Variants in CACNA1C observed in about 807,000 individuals in gnomAD.
CACNA1C encodes voltage-dependent L-type calcium channel subunit alpha-1C.
Under a neutral mutation model 229.0 loss-of-function variants are expected in CACNA1C, and 30 were observed. The ratio of observed to expected loss-of-function variants is 0.13; its 90% CI spans 0.10 to 0.18. The LOEUF (loss-of-function observed/expected upper bound fraction) is 0.18. Ranked by LOEUF, CACNA1C falls within the 10% of genes least tolerant of loss-of-function variation. The pLI, the probability that CACNA1C is intolerant of heterozygous loss-of-function variation, is 1.00. For missense variants in CACNA1C, 1,658 were observed against 2,845.0 expected (o/e 0.58, Z 9.49); for synonymous variants, 1,114 against 1,132.5 (o/e 0.98, Z 0.33).
intron 3 of CACNA1C, among the ~76,000 whole-genome samples, chr12:2,176,502 G>C (rs1160722840): frequency 6.6e-6 from 1 of 151,734 alleles, no homozygotes; most frequent in Non-Finnish European, 1.5e-5. Context: ...CTGAGTTTAG[G>C]CTTGAAAGCA....
chr12:2,633,526 A>T lies in CACNA1C; in HGVS notation c.3829-771A>T. 3 of 771,254 alleles carry T rather than the reference A, an allele frequency of 3.9e-6. No homozygotes were observed. Among genetic ancestry groups the T allele is most frequent in the Admixed American group, 2.0e-5 (1 of 50,856 alleles). The allele number at this position is 771,254 out of a possible 1,614,324, so 47.8% of individuals were successfully genotyped here. ...GAGGGCGTCCGGAACTCCAGAGGCA[A>T]CACGGAGGTGCCTGGACGATGATTC... On this transcript the variant is annotated intron_variant, in intron 29 of 46. Coordinates refer to ENST00000399655, the MANE Select transcript of CACNA1C (RefSeq NM_000719.7). The surrounding 1 kb of genome is among the most constrained non-coding windows in gnomAD (Gnocchi z 5.8).
At chr12:2,613,337 C>T (rs957968412) in intron 29 of CACNA1C, 6 of 152,220 alleles carry the variant, frequency 3.9e-5, no homozygotes, top group Non-Finnish European at 7.3e-5. Flanking sequence ...CTGCTAAGAA[C>T]TGGCAGAACG....
rs1332497530 is a variant in CACNA1C, at chr12:2,677,346, AG to A, written c.4956+126del. On this transcript the variant is annotated intron_variant, in intron 40 of 46. Coordinates refer to ENST00000399655, the MANE Select transcript of CACNA1C (RefSeq NM_000719.7). This position sits in a 1 kb window ranked among gnomAD's most constrained non-coding sequence, Gnocchi z 7.4. ...GGTCCCTGCAGAGGGAACCTTTCAG[AG>A]AGCTCCAGACCTTTCCAAAGATGGC... 1.9e-6 allele frequency: 2 copies of A among 1,078,952 alleles called. No homozygotes were observed. Among genetic ancestry groups the A allele is most frequent in the African/African-American group, 3.2e-5 (2 of 63,066 alleles). 66.8% of individuals were successfully genotyped at this position (1,078,952 alleles called of 1,614,324 possible). A position where few individuals can be genotyped will look rare whatever the true frequency, so the allele number is the denominator to read the frequency against.
chr12:2,550,706 G>C, intron 10 of CACNA1C: 1 of 1,298,276 alleles, frequency 7.7e-7, no homozygotes, highest in Non-Finnish European at 1.0e-6. Flanking sequence ...GGGCGGGGCA[G>C]GGCGGCATCT....
chr12:2,031,992 TTTG>T (rs1180529211), intron 1 of CACNA1C, among the ~76,000 whole-genome samples: 1 of 87,438 alleles, frequency 1.1e-5, no homozygotes, highest in African/African-American at 9.7e-5. Context: ...TGTGAGTGTG[TTTG>T]TGTGTGTGTG....
At chr12:2,472,109 G>T (rs1009773172) in intron 5 of CACNA1C, among the ~76,000 whole-genome samples, 1 of 152,042 alleles carries the variant, frequency 6.6e-6, no homozygotes, top group Admixed American at 6.6e-5. Context: ...TATTTGTTCT[G>T]CTTGGAGTTT....
intron 1 of CACNA1C, among the ~76,000 whole-genome samples, chr12:2,018,685 A>G (rs919490360): frequency 9.9e-5 from 15 of 152,214 alleles, no homozygotes; most frequent in African/African-American, 3.1e-4. Flanking sequence ...AGCACAACTC[A>G]ACTAATTTGG....
At chr12:2,593,851 C>T (rs1384497950) in intron 19 of CACNA1C, among the ~76,000 whole-genome samples, 1 of 152,220 alleles carries the variant, frequency 6.6e-6, no homozygotes, top group Non-Finnish European at 1.5e-5. Context: ...TCATTTCAGT[C>T]CATCCTTTAG....
intron 16 of CACNA1C, 139 bp downstream of exon 16, chr12:2,584,756 T>G (rs2061789416): frequency 1.6e-6 from 1 of 612,096 alleles, no homozygotes; most frequent in Non-Finnish European, 2.9e-6. Flanking sequence ...TGGGGCTTCC[T>G]AAGTTGGGCC....
At position 2,140,407 on chromosome 12, in the gene CACNA1C, T is replaced by C. The variant is rs533336528; in HGVS notation, c.477+19977T>C. Among the ~76,000 whole-genome samples the C allele has an allele frequency of 7.9e-5, 12 of 151,462 alleles. 1 individual carries two copies. The highest frequency in any genetic ancestry group is 2.9e-4 in the African/African-American group (12 of 41,502). Reference sequence around the variant, plus strand: ...AGGCACTCGATGAGTATTTGCTGAATAAATAACTGAATGAATATGTGAAGA... The same window carrying C: ...AGGCACTCGATGAGTATTTGCTGAACAAATAACTGAATGAATATGTGAAGA... On this transcript the variant is annotated intron_variant, in intron 3 of 46. Transcript: ENST00000399655.
intron 3 of CACNA1C, among the ~76,000 whole-genome samples, chr12:2,306,872 T>C (rs1305157327): frequency 1.3e-5 from 2 of 152,194 alleles, no homozygotes; most frequent in African/African-American, 4.8e-5. Flanking sequence ...AATGAGGAAG[T>C]GTTTTCAAGG....
At chr12:2,255,500 C>G (rs77846365) in intron 3 of CACNA1C, among the ~76,000 whole-genome samples, 10,277 of 152,238 alleles carry the variant, frequency 0.068, 504 homozygotes, top group African/African-American at 0.13. Context: ...GTCCCTGGCA[C>G]AGCAAGAAGG....
chr12:2,547,300 GA>G, intron 9 of CACNA1C: 2 of 619,488 alleles, frequency 3.2e-6, no homozygotes, highest in Non-Finnish European at 5.8e-6. Context: ...TTGATTTATT[GA>G]ATTTTTTTTG....
At chr12:2,375,531 T>C (rs1277404979) in intron 3 of CACNA1C, among the ~76,000 whole-genome samples, 1 of 152,222 alleles carries the variant, frequency 6.6e-6, no homozygotes, top group Non-Finnish European at 1.5e-5. Context: ...GATACCATTC[T>C]ATGATTTACA....
Position 2,398,023 on chromosome 12 carries a change from C to T in CACNA1C, c.478-50953C>T, listed in dbSNP as rs372361808. On this transcript the variant is annotated intron_variant, in intron 3 of 46. Transcript: ENST00000399655. ...CACTCCTGAATCTCCATCACTGGCC[C>T]GAGGGCAGGCCCAGGCTTGAAATAA... Among the ~76,000 whole-genome samples, 851 of 152,308 alleles carry T rather than the reference C, an allele frequency of 5.6e-3. 2 individuals are homozygous for T. Among genetic ancestry groups the T allele is most frequent in the Middle Eastern group, 0.014 (4 of 294 alleles).
intron 1 of CACNA1C, among the ~76,000 whole-genome samples, chr12:2,017,307 G>C (rs1231692127): frequency 6.6e-6 from 1 of 152,210 alleles, no homozygotes. Context: ...CTGGTTTTCA[G>C]CTTTGAAATT....
At chr12:2,231,447 C>T (rs767104442) in intron 3 of CACNA1C, among the ~76,000 whole-genome samples, 9 of 152,260 alleles carry the variant, frequency 5.9e-5, no homozygotes, top group South Asian at 2.1e-4. Context: ...AAAATGCTTC[C>T]GCACAGTTTA....
intron 3 of CACNA1C, among the ~76,000 whole-genome samples, chr12:2,318,179 G>T: frequency 6.6e-6 from 1 of 152,306 alleles, no homozygotes; most frequent in East Asian, 1.9e-4. Context: ...AGAAAAATTC[G>T]TGAGGCATTT....
In CACNA1C at chr12:2,258,659, A is replaced by G. The variant is rs147305718; in HGVS notation, c.477+138229A>G. 3.5e-3 allele frequency among the ~76,000 whole-genome samples: 530 copies of G among 152,298 alleles called. 3 individuals carry two copies. The highest frequency in any genetic ancestry group is 8.0e-3 in the Admixed American group (123 of 15,296). Reference sequence around the variant, plus strand: ...ATCCAGGGCCCCTTCTGCTGTATCAATGCTGCCCTTCCAGACTGTCCCTTT... The same window carrying G: ...ATCCAGGGCCCCTTCTGCTGTATCAGTGCTGCCCTTCCAGACTGTCCCTTT... On this transcript the variant is annotated intron_variant, in intron 3 of 46. Coordinates refer to ENST00000399655, the MANE Select transcript of CACNA1C (RefSeq NM_000719.7).
Sources: allele counts gnomAD v4.1 joint callset (sites outside exome capture counted in the v4.1 genomes callset), GRCh38; gene constraint gnomAD v4.1.1; non-coding constraint Gnocchi (gnomAD v3.1); transcripts MANE v1.5; gene names NCBI Gene and HGNC (gene_info 2026-07-23, HGNC 2026-07-21).